Variants in SULT1B1 observed in about 807,000 individuals in gnomAD.
The protein encoded by SULT1B1 is sulfotransferase family 1B member 1, also known as sulfotransferase 1B1.
Under a neutral mutation model 34.6 loss-of-function variants are expected in SULT1B1, and 28 were observed. That is an observed-to-expected ratio of 0.81 (90% CI 0.60 to 1.11). The LOEUF is 1.11. SULT1B1 is among the 50% of genes least tolerant of loss of function. SULT1B1 has a pLI of 0.00. For synonymous variants in SULT1B1, 147 were observed against 110.2 expected (o/e 1.33, Z -2.09); for missense variants, 374 against 352.2 (o/e 1.06, Z -0.50).
chr4:69,727,987 T>A (rs17147582), intron 7 of SULT1B1, among the ~76,000 whole-genome samples: 4,121 of 152,132 alleles, frequency 0.027, 186 homozygotes, highest in African/African-American at 0.094. Context: ...TAATCCACAG[T>A]GGTTTGATAA....
At chr4:69,757,599 C>A (rs759126122) in intron 1 of SULT1B1, among the ~76,000 whole-genome samples, 2 of 152,076 alleles carry the variant, frequency 1.3e-5, no homozygotes, top group Non-Finnish European at 2.9e-5. Flanking sequence ...CACACACACA[C>A]AAAATCTAGG....
chr4:69,749,112 G>A (rs1354012000), intron 4 of SULT1B1, among the ~76,000 whole-genome samples: 4 of 151,482 alleles, frequency 2.6e-5, no homozygotes, highest in Non-Finnish European at 4.4e-5. Flanking sequence ...TACTTAAGAG[G>A]GACAAAAAAG....
chr4:69,744,374 C>A lies in SULT1B1; in HGVS notation c.375+5347G>T, dbSNP rs72849855. Among the ~76,000 whole-genome samples the A allele has an allele frequency of 2.3e-3, 345 of 152,292 alleles. 1 individual carries two copies. The highest frequency in any genetic ancestry group is 7.7e-3 in the African/African-American group (321 of 41,554). ...GGACCTGGAAGTGGGTCCTGCCCGG[C>A]CATGCAAAGGTAAGGGTGGTGCAGT... is the stretch of plus-strand genomic sequence containing the variant. On this transcript the variant is annotated intron_variant, in intron 4 of 7. Coordinates refer to ENST00000310613, the MANE Select transcript of SULT1B1 (RefSeq NM_014465.4).
rs1438952632 is a variant in SULT1B1, at chr4:69,726,087, T to A, written c.*1001A>T. Reference sequence around the variant, plus strand: ...ATATATATATATATATATATAAATGTTCCAAGAAAACATAGATCAGAGACC... The same window carrying A: ...ATATATATATATATATATATAAATGATCCAAGAAAACATAGATCAGAGACC... On this transcript the variant is annotated 3_prime_UTR_variant, in exon 8 of 8. Coordinates refer to ENST00000310613, the MANE Select transcript of SULT1B1 (RefSeq NM_014465.4). 2 of 106,556 alleles carry A rather than the reference T, an allele frequency of 1.9e-5. No homozygotes were observed. Among genetic ancestry groups the A allele is most frequent in the Non-Finnish European group, 3.9e-5 (2 of 51,146 alleles). 6.6% of individuals were successfully genotyped at this position (106,556 alleles called of 1,614,324 possible). A position where few individuals can be genotyped will look rare whatever the true frequency, so the allele number is the denominator to read the frequency against.
At chr4:69,732,434 T>C (rs1292967274) in intron 6 of SULT1B1, among the ~76,000 whole-genome samples, 1 of 152,152 alleles carries the variant, frequency 6.6e-6, no homozygotes, top group Non-Finnish European at 1.5e-5. Context: ...ATATTACCAC[T>C]CACTCATTTA....
chr4:69,759,130 A>G (rs1719300538), intron 1 of SULT1B1, among the ~76,000 whole-genome samples: 1 of 152,252 alleles, frequency 6.6e-6, no homozygotes, highest in South Asian at 2.1e-4. Context: ...ATTGTGCTTC[A>G]TGTATATGAT....
intron 4 of SULT1B1, 50 bp downstream of exon 4, chr4:69,749,671 G>C (rs1278792226): frequency 1.3e-5 from 17 of 1,316,500 alleles, no homozygotes; most frequent in Non-Finnish European, 1.9e-5. Context: ...ATGTGAGTGG[G>C]TAAAGGGATA....
chr4:69,733,962 T>A (rs1400603636), intron 5 of SULT1B1, among the ~76,000 whole-genome samples, 176 bp downstream of exon 5: 1 of 152,172 alleles, frequency 6.6e-6, no homozygotes, highest in East Asian at 1.9e-4. Flanking sequence ...ACTAGTTTTA[T>A]AAATTGAAGG....
At chr4:69,740,411 G>A (rs968798618) in intron 4 of SULT1B1, among the ~76,000 whole-genome samples, 1 of 152,084 alleles carries the variant, frequency 6.6e-6, no homozygotes, top group Non-Finnish European at 1.5e-5. Context: ...GAAATGCCAG[G>A]TACTTATAAA....
intron 4 of SULT1B1, among the ~76,000 whole-genome samples, chr4:69,747,244 A>T (rs954293954): frequency 2.0e-5 from 3 of 152,246 alleles, no homozygotes; most frequent in Non-Finnish European, 4.4e-5. Flanking sequence ...ACACTTGATC[A>T]CAGGGTAGCA....
Position 69,726,225 on chromosome 4 carries a change from TG to T in SULT1B1, c.*862del, listed in dbSNP as rs1717833425. ...TTGGGCACCAGATTGGGAAATATTT[TG>T]CAGAGGTTATGATCATGTCTAGGAT... On this transcript the variant is annotated 3_prime_UTR_variant, in exon 8 of 8. Transcript: ENST00000310613. 1 of 151,000 alleles carries T rather than the reference TG, an allele frequency of 6.6e-6. No individual in the cohort carries two copies. Among genetic ancestry groups the T allele is most frequent in the Non-Finnish European group, 1.5e-5 (1 of 67,698 alleles). 9.4% of individuals were successfully genotyped at this position (151,000 alleles called of 1,614,324 possible).
intron 1 of SULT1B1, among the ~76,000 whole-genome samples, chr4:69,756,690 A>G (rs1276261252): frequency 6.6e-6 from 1 of 152,098 alleles, no homozygotes; most frequent in Non-Finnish European, 1.5e-5. Flanking sequence ...CTAGAGCTAA[A>G]CCATCAGCTC....
intron 4 of SULT1B1, among the ~76,000 whole-genome samples, chr4:69,740,504 G>C (rs2110023128): frequency 6.6e-6 from 1 of 152,238 alleles, no homozygotes; most frequent in South Asian, 2.1e-4. Context: ...ACCTCCACCT[G>C]GTCCTGCCCT....
Position 69,742,814 on chromosome 4 carries a change from T to C in SULT1B1, c.375+6907A>G, listed in dbSNP as rs375536276. Among the ~76,000 whole-genome samples the C allele has an allele frequency of 5.8e-4, 89 of 152,300 alleles. 1 individual carries two copies. Among genetic ancestry groups the C allele is most frequent in the African/African-American group, 2.1e-3 (87 of 41,578 alleles). On this transcript the variant is annotated intron_variant, in intron 4 of 7. Transcript: ENST00000310613. Reference sequence around the variant, plus strand: ...TGTGAGCAAGCCTGTAGTCTGGCCATTGCGCAGAGCCCGGCCTGCCAGCTG... The same window carrying C: ...TGTGAGCAAGCCTGTAGTCTGGCCACTGCGCAGAGCCCGGCCTGCCAGCTG...
rs1312005159 is a variant in SULT1B1, at chr4:69,726,966, T to C, written c.*122A>G. Reference sequence around the variant, plus strand: ...TTAATAACATTGAAAAGAATCAACATATTAAAAGCATATTATTCTCCTTTA... The same window carrying C: ...TTAATAACATTGAAAAGAATCAACACATTAAAAGCATATTATTCTCCTTTA... On this transcript the variant is annotated 3_prime_UTR_variant, in exon 8 of 8. Transcript: ENST00000310613. The C allele has an allele frequency of 1.7e-6, 1 of 597,554 alleles. No individual in the cohort carries two copies. The highest frequency in any genetic ancestry group is 1.9e-5 in the African/African-American group (1 of 51,334). 37.0% of individuals were successfully genotyped at this position (597,554 alleles called of 1,614,324 possible).
Position 69,749,724 on chromosome 4 carries a change from G to C in SULT1B1, c.372C>G (p.Cys124Trp), listed in dbSNP as rs1376084676. 1.2e-6 allele frequency: 2 copies of C among 1,611,200 alleles called. No homozygotes were observed. Among genetic ancestry groups the C allele is most frequent in the Non-Finnish European group, 1.7e-6 (2 of 1,177,412 alleles). The part of the protein sequence containing the change: ...LLPKSFWENN[C>W]KMIYLARNAK... ...TGACATGGAGTCTGGAGTATACCTT[G>C]CAATTGTTTTCCCAGAAAGATTTAG... Residue 124 changes from cysteine to tryptophan, a missense_variant, in exon 4 of 8, where the codon TGC becomes TGG. Cys to Trp is a radical substitution (Grantham distance 215). Coordinates refer to ENST00000310613, the MANE Select transcript of SULT1B1 (RefSeq NM_014465.4).
intron 6 of SULT1B1, 142 bp from the exon 7 acceptor site, chr4:69,730,823 TA>T (rs1313651581): frequency 8.7e-6 from 6 of 686,682 alleles, no homozygotes; most frequent in Non-Finnish European, 1.4e-5. Context: ...TCTCAATTTT[TA>T]AATAAACTAA....
intron 4 of SULT1B1, among the ~76,000 whole-genome samples, chr4:69,748,666 T>C (rs1393778969): frequency 2.0e-5 from 3 of 152,196 alleles, no homozygotes; most frequent in African/African-American, 7.2e-5. Flanking sequence ...GTATGATCTT[T>C]GACTAAAACG....
intron 1 of SULT1B1, among the ~76,000 whole-genome samples, chr4:69,756,980 G>GACACACACAC (rs371631388): frequency 8.6e-6 from 1 of 116,296 alleles, no homozygotes; most frequent in Admixed American, 9.3e-5. Context: ...CACACACACA[G>GACACACACAC]ACACACACAC....
Sources: gnomAD v4.1 joint callset for allele counts (sites outside exome capture counted in the v4.1 genomes callset) on GRCh38, gnomAD v4.1.1 for gene constraint, MANE v1.5 for transcripts, NCBI Gene and HGNC (gene_info 2026-07-23, HGNC 2026-07-21) for gene names.